The following LEMD3 variants were observed in gnomAD, a reference collection of about 807,000 sequenced individuals.
LEMD3 encodes the protein LEM domain containing 3, also known as inner nuclear membrane protein Man1.
LEMD3 carries 33 observed loss-of-function variants against 95.2 expected under a neutral mutation model. The ratio of observed to expected loss-of-function variants is 0.35; its 90% CI spans 0.26 to 0.46. LEMD3 has a LOEUF of 0.46. LEMD3 is among the 20% of genes least tolerant of loss of function. The probability of loss-of-function intolerance (pLI) is 1.00; values close to 1 mark genes in which losing one functional copy is unlikely to be tolerated. For synonymous variants in LEMD3, 525 were observed against 474.6 expected (o/e 1.11, Z -1.38); for missense variants, 1,210 against 1,192.8 (o/e 1.01, Z -0.21).
chr12:65,246,041 G>T, intron 12 of LEMD3, 102 bp downstream of exon 12: 1 of 1,267,896 alleles, frequency 7.9e-7, no homozygotes, highest in Non-Finnish European at 1.1e-6. Context: ...GCATTTTTTT[G>T]AGTAATAATT....
intron 4 of LEMD3, among the ~76,000 whole-genome samples, chr12:65,230,141 T>C (rs1870577643): frequency 6.6e-6 from 1 of 152,204 alleles, no homozygotes; most frequent in African/African-American, 2.4e-5. Context: ...CTGGGGTCTT[T>C]ATTCTGTTCC....
chr12:65,170,340 G>A lies in LEMD3; in HGVS notation c.744G>A (p.Arg248=), dbSNP rs749713372. 3 of 1,606,238 alleles carry A rather than the reference G, an allele frequency of 1.9e-6. No individual in the cohort carries two copies. The African/African-American group carries it at 4.0e-5, about 21-fold the overall frequency. The change falls in exon 1 of 13, where the codon CGG becomes CGA. Residue 248 remains arginine (R), a synonymous_variant. Transcript: ENST00000308330. ...CGAGCCGGACCGTGAATGGCAGCCG[G>A]CTTGTCCCCTACAGCTGCCGGGAAA... ...LWASRTVNGS[R]LVPYSCRENY... is the part of the protein sequence containing the mutation.
At chr12:65,244,778 T>C (rs1871046804) in intron 10 of LEMD3, among the ~76,000 whole-genome samples, 1 of 151,802 alleles carries the variant, frequency 6.6e-6, no homozygotes, top group South Asian at 2.1e-4. Context: ...CAAAACCCCG[T>C]CTCTACAAAA....
chr12:65,240,103 AT>A, intron 7 of LEMD3, 32 bp from the exon 8 acceptor site: 1 of 327,228 alleles, frequency 3.1e-6, no homozygotes. Context: ...ATGTCAAGTG[AT>A]TGATTCATTT....
chr12:65,204,042 T>C (rs752094986), intron 1 of LEMD3, among the ~76,000 whole-genome samples: 6 of 152,214 alleles, frequency 3.9e-5, no homozygotes, highest in Non-Finnish European at 4.4e-5. Context: ...GGTGGATTTC[T>C]TACAGACAAC....
intron 1 of LEMD3, among the ~76,000 whole-genome samples, chr12:65,202,517 A>G (rs1019578246): frequency 8.5e-5 from 13 of 152,122 alleles, no homozygotes; most frequent in South Asian, 6.2e-4. Context: ...AGACTTTTGC[A>G]TCTGTATTCA....
chr12:65,216,403 T>C (rs1283207624), intron 3 of LEMD3, among the ~76,000 whole-genome samples: 3 of 152,010 alleles, frequency 2.0e-5, no homozygotes, highest in Non-Finnish European at 4.4e-5. Context: ...AGATTTTCTT[T>C]TGTTGGTTGT....
At chr12:65,183,336 G>A (rs2136320416) in intron 1 of LEMD3, among the ~76,000 whole-genome samples, 1 of 152,212 alleles carries the variant, frequency 6.6e-6, no homozygotes, top group African/African-American at 2.4e-5. Context: ...ATTCAGACTA[G>A]CCATATTTCA....
At chr12:65,224,416 A>G (rs774426131) in intron 4 of LEMD3, among the ~76,000 whole-genome samples, 5 of 152,174 alleles carry the variant, frequency 3.3e-5, no homozygotes, top group African/African-American at 2.4e-5. Flanking sequence ...AGTAACACCT[A>G]GTCAACTATG....
intron 1 of LEMD3, among the ~76,000 whole-genome samples, chr12:65,172,731 T>C (rs1868592952): frequency 8.4e-6 from 1 of 119,586 alleles, no homozygotes; most frequent in South Asian, 3.5e-4. Flanking sequence ...TTTTCTTTTC[T>C]TTTTTTTTTT....
intron 1 of LEMD3, among the ~76,000 whole-genome samples, chr12:65,199,562 A>G (rs1869531598): frequency 6.6e-6 from 1 of 152,158 alleles, no homozygotes; most frequent in Admixed American, 6.5e-5. Flanking sequence ...TGTAAATTAT[A>G]TGAATTTCTA....
At position 65,247,585 on chromosome 12, in the gene LEMD3, G is replaced by A. The variant is rs1390354366; in HGVS notation, c.*1260G>A. 6.6e-6 allele frequency: 1 copy of A among 152,108 alleles called. No individual in the cohort carries two copies. The highest frequency in any genetic ancestry group is 6.6e-5 in the Admixed American group (1 of 15,266). The allele number at this position is 152,108 out of a possible 1,614,324, so 9.4% of individuals were successfully genotyped here. ...AATAGTTGCTGAGTAAATTTTACTT[G>A]TAATCTACAATTGGCTTTTTAAAAA... On this transcript the variant is annotated 3_prime_UTR_variant, in exon 13 of 13. Transcript: ENST00000308330.
chr12:65,218,244 A>T (rs570944941), intron 3 of LEMD3, among the ~76,000 whole-genome samples: 1 of 152,274 alleles, frequency 6.6e-6, no homozygotes, highest in Admixed American at 6.5e-5. Context: ...TAGTTCCTAT[A>T]CCAGCTTACA....
At chr12:65,173,296 G>A (rs1868613597) in intron 1 of LEMD3, among the ~76,000 whole-genome samples, 1 of 152,194 alleles carries the variant, frequency 6.6e-6, no homozygotes, top group Non-Finnish European at 1.5e-5. Context: ...TCTCATCAGT[G>A]TTAAGATGAA....
At chr12:65,224,976 T>G (rs1565794701) in intron 4 of LEMD3, among the ~76,000 whole-genome samples, 3 of 152,186 alleles carry the variant, frequency 2.0e-5, no homozygotes, top group Admixed American at 1.3e-4. Flanking sequence ...CCAAATGACC[T>G]TCTTTTGAGT....
intron 1 of LEMD3, among the ~76,000 whole-genome samples, chr12:65,194,376 C>G (rs1007567001): frequency 6.6e-6 from 1 of 152,106 alleles, no homozygotes; most frequent in Non-Finnish European, 1.5e-5. Context: ...CTTCTCGTAT[C>G]CACCTCCCTG....
chr12:65,223,406 T>C (rs1870353153), intron 4 of LEMD3, among the ~76,000 whole-genome samples: 1 of 150,800 alleles, frequency 6.6e-6, no homozygotes, highest in Non-Finnish European at 1.5e-5. Flanking sequence ...TGGGCTCAAG[T>C]GATCCTCCTG....
chr12:65,233,210 A>G (rs761198811), intron 4 of LEMD3, among the ~76,000 whole-genome samples: 6 of 152,180 alleles, frequency 3.9e-5, no homozygotes, highest in Non-Finnish European at 8.8e-5. Context: ...GAACCAAAGT[A>G]CTTGCTCTTT....
chr12:65,219,951 G>C (rs765803523), intron 4 of LEMD3, among the ~76,000 whole-genome samples: 7 of 152,116 alleles, frequency 4.6e-5, no homozygotes, highest in Non-Finnish European at 1.0e-4. Context: ...CAGTCATGTT[G>C]ATGGGCTTTT....
Sources: allele counts gnomAD v4.1 joint callset (sites outside exome capture counted in the v4.1 genomes callset), GRCh38; gene constraint gnomAD v4.1.1; transcripts MANE v1.5; gene names NCBI Gene and HGNC (gene_info 2026-07-23, HGNC 2026-07-21).